Variants in INPP5B observed in about 807,000 individuals in gnomAD.
INPP5B encodes the protein type II inositol 1,4,5-trisphosphate 5-phosphatase.
A neutral mutation model predicts 118.5 loss-of-function variants in INPP5B; 90 were observed. The ratio of observed to expected loss-of-function variants is 0.76; its 90% CI spans 0.64 to 0.90. The LOEUF (loss-of-function observed/expected upper bound fraction) is 0.90. Ranked by LOEUF, INPP5B falls within the 40% of genes least tolerant of loss-of-function variation. The pLI is 0.00. For missense variants in INPP5B, 984 were observed against 1,125.6 expected (o/e 0.87, Z 1.80); for synonymous variants, 385 against 418.9 (o/e 0.92, Z 0.99).
intron 6 of INPP5B, among the ~76,000 whole-genome samples, chr1:37,936,720 A>AT (rs1645707350): frequency 6.7e-6 from 1 of 148,510 alleles, no homozygotes; most frequent in Admixed American, 6.8e-5. Flanking sequence ...CTGGAGCAGA[A>AT]CTTTTTTTTT....
At chr1:37,932,131 A>C in intron 6 of INPP5B, 78 bp from the exon 7 acceptor site, 1 of 1,399,430 alleles carries the variant, frequency 7.1e-7, no homozygotes, top group Non-Finnish European at 9.4e-7. Context: ...ATCCCAAGAG[A>C]CTCCGGCCCT....
chr1:37,945,940 C>T, intron 2 of INPP5B, 90 bp from the exon 3 acceptor site: 5 of 1,210,302 alleles, frequency 4.1e-6, no homozygotes, highest in Admixed American at 3.9e-5. Flanking sequence ...CCTGCCCCCC[C>T]AGATTCACTG....
intron 6 of INPP5B, among the ~76,000 whole-genome samples, chr1:37,936,116 G>A (rs1383679940): frequency 6.6e-6 from 1 of 151,928 alleles, no homozygotes; most frequent in African/African-American, 2.4e-5. Flanking sequence ...ATAAGCTATA[G>A]GGCAAAGTCC....
At chr1:37,900,572 G>A (rs1249392215) in intron 7 of INPP5B, among the ~76,000 whole-genome samples, 1 of 150,096 alleles carries the variant, frequency 6.7e-6, no homozygotes, top group African/African-American at 2.4e-5. Context: ...TCAACTGGAA[G>A]TTTGTCTGGT....
intron 13 of INPP5B, chr1:37,883,984 G>A (rs1643365971): frequency 5.2e-6 from 2 of 382,948 alleles, no homozygotes; most frequent in Non-Finnish European, 7.2e-6. Context: ...AAACAAAAAT[G>A]AGCACAAGAT....
chr1:37,891,969 T>C (rs978492703), intron 7 of INPP5B, among the ~76,000 whole-genome samples: 2 of 152,230 alleles, frequency 1.3e-5, no homozygotes, highest in Non-Finnish European at 2.9e-5. Flanking sequence ...TCCAGGTATC[T>C]TTACTGCTGA....
intron 7 of INPP5B, among the ~76,000 whole-genome samples, chr1:37,924,408 A>G (rs566808028): frequency 4.0e-5 from 6 of 150,950 alleles, no homozygotes; most frequent in Non-Finnish European, 8.9e-5. Context: ...GCCTCAAGTG[A>G]CCCGCCCACC....
intron 7 of INPP5B, among the ~76,000 whole-genome samples, chr1:37,906,693 TA>T (rs942842203): frequency 7.3e-5 from 11 of 150,138 alleles, no homozygotes; most frequent in Admixed American, 4.0e-4. Flanking sequence ...TCATCTCTAT[TA>T]AAAAAAAATA....
intron 7 of INPP5B, among the ~76,000 whole-genome samples, chr1:37,897,449 C>T (rs190960822): frequency 6.6e-6 from 1 of 151,784 alleles, no homozygotes; most frequent in Non-Finnish European, 1.5e-5. Context: ...ACCCTGTGCT[C>T]TCTGAAACAT....
rs982333517 is a variant in INPP5B, at chr1:37,932,057, T to A, written c.392-4A>T. The A allele has an allele frequency of 1.4e-5, 22 of 1,583,964 alleles. No homozygotes were observed. Among genetic ancestry groups the A allele is most frequent in the Non-Finnish European group, 1.7e-5 (20 of 1,164,168 alleles). On this transcript the variant is annotated splice_region_variant and splice_polypyrimidine_tract_variant and intron_variant, in intron 6 of 23. Coordinates refer to ENST00000373024, the MANE Select transcript of INPP5B (RefSeq NM_005540.3). ...TCCCGGGTCGCAGAATCGAAGCCTG[T>A]GCAGGAACAAATGGGGGCAGACTGA...
chr1:37,864,848 C>T (rs1264209503), intron 22 of INPP5B: 1 of 154,024 alleles, frequency 6.5e-6, no homozygotes, highest in Non-Finnish European at 1.4e-5. Context: ...TCAATGAGTA[C>T]TCCAGCTATC....
At chr1:37,909,656 GA>G (rs1215735015) in intron 7 of INPP5B, among the ~76,000 whole-genome samples, 1 of 152,186 alleles carries the variant, frequency 6.6e-6, no homozygotes, top group Non-Finnish European at 1.5e-5. Context: ...AGAGGGGCCA[GA>G]AGGCTGTCTT....
rs200258085 is a variant in INPP5B, at chr1:37,862,264, A to C, written c.*51T>G. 2.6e-5 allele frequency: 17 copies of C among 652,050 alleles called. No homozygotes were observed. Among genetic ancestry groups the C allele is most frequent in the Non-Finnish European group, 4.0e-5 (16 of 401,312 alleles). 40.4% of individuals were successfully genotyped at this position (652,050 alleles called of 1,614,324 possible). ...CTTAAGGCATCTCTTGAGCTGAAAC[A>C]GGTGGGGCTGGTAATTGGCAGCCTC... is the stretch of plus-strand genomic sequence containing the variant. On this transcript the variant is annotated 3_prime_UTR_variant, in exon 24 of 24. Coordinates refer to ENST00000373024, the MANE Select transcript of INPP5B (RefSeq NM_005540.3).
chr1:37,903,453 G>A (rs369392577), intron 7 of INPP5B, among the ~76,000 whole-genome samples: 2 of 152,206 alleles, frequency 1.3e-5, no homozygotes, highest in African/African-American at 4.8e-5. Context: ...GGGGCCGGAC[G>A]CAGTGGCTCA....
intron 7 of INPP5B, among the ~76,000 whole-genome samples, chr1:37,897,587 C>T (rs895553069): frequency 4.6e-5 from 7 of 150,538 alleles, no homozygotes; most frequent in Non-Finnish European, 3.0e-5. Context: ...CCCAGGGACA[C>T]AAACACTGCG....
chr1:37,908,621 C>T (rs967976406), intron 7 of INPP5B, among the ~76,000 whole-genome samples: 12 of 151,974 alleles, frequency 7.9e-5, no homozygotes, highest in African/African-American at 9.7e-5. Flanking sequence ...ACATTTTATC[C>T]GTGGACCCAA....
intron 7 of INPP5B, 148 bp from the exon 8 acceptor site, chr1:37,891,602 C>G: frequency 1.8e-6 from 1 of 545,990 alleles, no homozygotes; most frequent in Non-Finnish European, 3.3e-6. Context: ...TGGAGAAACC[C>G]CGTCTCTACT....
chr1:37,888,403 G>A, intron 9 of INPP5B, 59 bp from the exon 10 acceptor site: 3 of 1,029,404 alleles, frequency 2.9e-6, no homozygotes, highest in Non-Finnish European at 4.1e-6. Context: ...ACAGGAGAAA[G>A]CATTTTATGC....
chr1:37,898,573 T>C (rs1013708012), intron 7 of INPP5B, among the ~76,000 whole-genome samples: 2 of 151,896 alleles, frequency 1.3e-5, no homozygotes, highest in Non-Finnish European at 2.9e-5. Flanking sequence ...CAGGCACCTG[T>C]AGTCCCAGCT....
Sources: allele counts gnomAD v4.1 joint callset (sites outside exome capture counted in the v4.1 genomes callset), GRCh38; gene constraint gnomAD v4.1.1; transcripts MANE v1.5; gene names NCBI Gene and HGNC (gene_info 2026-07-23, HGNC 2026-07-21).